GALNT2: variants seen among roughly 807,000 people sequenced by gnomAD.
GALNT2 encodes the protein polypeptide N-acetylgalactosaminyltransferase 2.
Under a neutral mutation model 81.4 loss-of-function variants are expected in GALNT2, and 31 were observed. The observed-to-expected ratio is 0.38, with a 90% CI of 0.29 to 0.51. GALNT2 has a LOEUF of 0.51. GALNT2 is among the 20% of genes least tolerant of loss of function. The pLI is 0.87. For missense variants in GALNT2, 629 were observed against 765.7 expected, an observed-to-expected ratio of 0.82 and a Z score of 2.11; for synonymous variants, 303 against 287.4, an observed-to-expected ratio of 1.05 and a Z score of -0.55.
chr1:230,108,050 A>G (rs1660593154), intron 1 of GALNT2, among the ~76,000 whole-genome samples: 1 of 152,196 alleles, frequency 6.6e-6, no homozygotes, highest in Non-Finnish European at 1.5e-5. Context: ...AGACTCATTC[A>G]TAGGGCTCAC....
chr1:230,255,714 C>G (rs1665691638), intron 11 of GALNT2, among the ~76,000 whole-genome samples: 1 of 152,142 alleles, frequency 6.6e-6, no homozygotes, highest in Non-Finnish European at 1.5e-5. Context: ...CGGAGCTGTT[C>G]TGTCTCCTGG....
intron 1 of GALNT2, among the ~76,000 whole-genome samples, chr1:230,120,637 G>A (rs1660987926): frequency 6.6e-6 from 1 of 152,154 alleles, no homozygotes; most frequent in African/African-American, 2.4e-5. Context: ...CCTTCCGCAG[G>A]ACTCAGGGAC....
At chr1:230,200,132 G>A (rs113799794) in intron 2 of GALNT2, among the ~76,000 whole-genome samples, 45,634 of 147,290 alleles carry the variant, frequency 0.31, 7,072 homozygotes, top group Middle Eastern at 0.35. Context: ...GTGCAATCTC[G>A]GCTCACTGCA....
At chr1:230,072,799 C>A (rs775703857) in intron 1 of GALNT2, among the ~76,000 whole-genome samples, 22 of 152,212 alleles carry the variant, frequency 1.4e-4, no homozygotes, top group Non-Finnish European at 2.6e-4. Flanking sequence ...CCATGTTCAG[C>A]AATCAAAGGG....
chr1:230,265,222 T>C lies in GALNT2; in HGVS notation c.1314-19T>C, dbSNP rs758699331. The C allele has an allele frequency of 5.0e-6, 8 of 1,614,132 alleles. No homozygotes were observed. Among genetic ancestry groups the C allele is most frequent in the Non-Finnish European group, 6.8e-6 (8 of 1,179,984 alleles). On this transcript the variant is annotated intron_variant, in intron 13 of 15. Transcript: ENST00000366672. ...TGGTCATGTGCAGTGAAGCAGGTGA[T>C]TCTCACGTTGTTTTTCAGGGTTCCA...
At chr1:230,068,548 AGT>A (rs1659278083) in intron 1 of GALNT2, among the ~76,000 whole-genome samples, 1 of 152,174 alleles carries the variant, frequency 6.6e-6, no homozygotes. Flanking sequence ...GGAACAAGAG[AGT>A]GGTATCCTGA....
chr1:230,082,540 C>T (rs1284618051), intron 1 of GALNT2, among the ~76,000 whole-genome samples: 1 of 152,252 alleles, frequency 6.6e-6, no homozygotes, highest in South Asian at 2.1e-4. Context: ...TCTCCTTATC[C>T]CTACTTCCTC....
chr1:230,224,158 G>A (rs1572104793), intron 3 of GALNT2, among the ~76,000 whole-genome samples: 1 of 152,204 alleles, frequency 6.6e-6, no homozygotes, highest in East Asian at 1.9e-4. Context: ...AGGAGGCAGA[G>A]GGAGTTACTG....
At chr1:230,185,803 T>G (rs1663317226) in intron 2 of GALNT2, among the ~76,000 whole-genome samples, 1 of 152,348 alleles carries the variant, frequency 6.6e-6, no homozygotes, top group South Asian at 2.1e-4. Context: ...CAAATATAGC[T>G]GCCACACCCC....
intron 1 of GALNT2, among the ~76,000 whole-genome samples, chr1:230,130,133 A>G (rs1274980246): frequency 6.6e-6 from 1 of 152,158 alleles, no homozygotes; most frequent in Non-Finnish European, 1.5e-5. Flanking sequence ...TTGTAGTCCT[A>G]ATACCTCTTG....
chr1:230,250,449 CT>C lies in GALNT2; in HGVS notation c.906-7del, dbSNP rs780965627. On this transcript the variant is annotated splice_region_variant and splice_polypyrimidine_tract_variant and intron_variant, in intron 9 of 15. Transcript: ENST00000366672. ...CCTCCCTCCCCCCTCTTCTTTCTGCCTCTTTAGAACCCCCATGATTGCTGGT... is the reference window on the plus strand; with the variant it reads ...CCTCCCTCCCCCCTCTTCTTTCTGCCCTTTAGAACCCCCATGATTGCTGGT... The C allele has an allele frequency of 5.6e-6, 9 of 1,611,660 alleles. No individual in the cohort carries two copies. In the Admixed American group the frequency reaches 1.0e-4, roughly 18 times the overall value.
intron 3 of GALNT2, among the ~76,000 whole-genome samples, chr1:230,225,967 G>A (rs971888874): frequency 1.3e-5 from 2 of 152,198 alleles, no homozygotes; most frequent in African/African-American, 4.8e-5. Flanking sequence ...ATTTTCATAA[G>A]CTCCATGAAT....
chr1:230,064,710 C>G (rs1448040134), upstream of GALNT2, among the ~76,000 whole-genome samples: 4 of 152,186 alleles, frequency 2.6e-5, no homozygotes, highest in Non-Finnish European at 5.9e-5. Flanking sequence ...TGGGGTTTCA[C>G]CACTTTGGCC....
At chr1:230,173,030 A>G (rs1338068920) in intron 1 of GALNT2, among the ~76,000 whole-genome samples, 1 of 152,160 alleles carries the variant, frequency 6.6e-6, no homozygotes, top group East Asian at 1.9e-4. Flanking sequence ...GTGCATTTGT[A>G]AGAACAATTT....
At position 230,110,910 on chromosome 1, in the gene GALNT2, A is replaced by G. The variant is rs1446034467; in HGVS notation, c.126+43504A>G. On this transcript the variant is annotated intron_variant, in intron 1 of 15. Transcript: ENST00000366672. Reference sequence around the variant, plus strand: ...ACCATGGGAGTTCTGGGGAAAATGTATGCTCTTCTCTTTAAGTACAAGCCA... The same window carrying G: ...ACCATGGGAGTTCTGGGGAAAATGTGTGCTCTTCTCTTTAAGTACAAGCCA... 2.6e-5 allele frequency among the ~76,000 whole-genome samples: 4 copies of G among 152,128 alleles called. No individual in the cohort carries two copies. In the South Asian group the frequency reaches 6.2e-4, roughly 24 times the overall value.
rs535455890 is a variant in GALNT2, at chr1:230,263,518, C to T, written c.1313+513C>T. On this transcript the variant is annotated intron_variant, in intron 13 of 15. Transcript: ENST00000366672. Reference sequence around the variant, plus strand: ...CCAGCTAGGTTAATCACATGTGAAACGGAAGTAATAATGCTGCTGCCCCAC... The same window carrying T: ...CCAGCTAGGTTAATCACATGTGAAATGGAAGTAATAATGCTGCTGCCCCAC... The T allele has an allele frequency of 2.1e-3, 324 of 154,280 alleles. 1 individual carries two copies. The highest frequency in any genetic ancestry group is 7.2e-3 in the African/African-American group (300 of 41,604). The allele number at this position is 154,280 out of a possible 1,614,324, so 9.6% of individuals were successfully genotyped here.
At chr1:230,066,573 A>G (rs1468035276), upstream of GALNT2, among the ~76,000 whole-genome samples, 1 of 152,222 alleles carries the variant, frequency 6.6e-6, no homozygotes, top group Non-Finnish European at 1.5e-5. Context: ...CGGGTCAGGA[A>G]TGTTTTGCTG....
At position 230,102,769 on chromosome 1, in the gene GALNT2, A is replaced by G. The variant is rs550746972; in HGVS notation, c.126+35363A>G. Among the ~76,000 whole-genome samples the G allele has an allele frequency of 4.6e-5, 7 of 152,338 alleles. No individual in the cohort carries two copies. In the East Asian group the frequency reaches 1.2e-3, roughly 25 times the overall value. On this transcript the variant is annotated intron_variant, in intron 1 of 15. Coordinates refer to ENST00000366672, the MANE Select transcript of GALNT2 (RefSeq NM_004481.5). ...CTGTTTTTTCATAGCCATTGATGGA[A>G]ACAGATTCTGTGGGGTAAATAACAG...
chr1:230,173,426 C>G (rs569669333), intron 1 of GALNT2, among the ~76,000 whole-genome samples: 1 of 152,318 alleles, frequency 6.6e-6, no homozygotes, highest in Non-Finnish European at 1.5e-5. Context: ...TCCTGAAGCA[C>G]CATCTGTCTG....
Sources: allele counts gnomAD v4.1 joint callset (sites outside exome capture counted in the v4.1 genomes callset), GRCh38; gene constraint gnomAD v4.1.1; transcripts MANE v1.5; gene names NCBI Gene and HGNC (gene_info 2026-07-23, HGNC 2026-07-21).